Variants in UGT2A2 observed in about 807,000 individuals in gnomAD.
The protein encoded by UGT2A2 is UDP glucuronosyltransferase family 2 member A2.
UGT2A2 carries 60 observed loss-of-function variants against 50.7 expected under a neutral mutation model. The observed-to-expected ratio is 1.18, with a 90% confidence interval of 0.96 to 1.47. UGT2A2 has a LOEUF of 1.47. UGT2A2 is among the 40% of genes most tolerant of loss of function. The pLI is 0.00. For synonymous variants in UGT2A2, 242 were observed against 214.6 expected, an observed-to-expected ratio of 1.13 and a Z score of -1.11; for missense variants, 762 against 634.0, an observed-to-expected ratio of 1.20 and a Z score of -2.17.
chr4:69,621,475 GC>G (rs1450221021), intron 1 of UGT2A2, among the ~76,000 whole-genome samples: 1 of 151,936 alleles, frequency 6.6e-6, no homozygotes, highest in East Asian at 1.9e-4. Context: ...AGTCAGATTA[GC>G]TTTTATTAAA....
chr4:69,629,810 C>G (rs1305394120), intron 1 of UGT2A2, among the ~76,000 whole-genome samples: 2 of 152,058 alleles, frequency 1.3e-5, no homozygotes, highest in African/African-American at 4.8e-5. Flanking sequence ...TGAACCATAA[C>G]CATGAGCCTA....
At chr4:69,635,849 A>AAAAAAAAAAAAAAAAAAAGAG (rs772370302) in intron 1 of UGT2A2, 2 of 118,512 alleles carry the variant, frequency 1.7e-5, no homozygotes, top group African/African-American at 8.0e-5. Flanking sequence ...AAAAAAAAAA[A>AAAAAAAAAAAAAAAAAAAGAG]AGAGAGAGAG....
chr4:69,605,648 A>G (rs1719563211), intron 1 of UGT2A2, among the ~76,000 whole-genome samples: 1 of 136,806 alleles, frequency 7.3e-6, no homozygotes, highest in Admixed American at 7.2e-5. Context: ...GTTTTTTGAA[A>G]AGATCAACCA....
At chr4:69,594,359 G>T in intron 5 of UGT2A2, 118 bp downstream of exon 5, 2 of 1,294,638 alleles carry the variant, frequency 1.5e-6, no homozygotes, top group Middle Eastern at 2.4e-4. Context: ...TTTTTATATT[G>T]GTCAGGTTAT....
chr4:69,627,560 G>T (rs1167804306), intron 1 of UGT2A2, among the ~76,000 whole-genome samples: 1 of 142,746 alleles, frequency 7.0e-6, no homozygotes, highest in Admixed American at 7.1e-5. Context: ...GAGAGAGAGA[G>T]AGAGAGAAAG....
chr4:69,623,434 A>G (rs58395328), intron 1 of UGT2A2, among the ~76,000 whole-genome samples: 41,318 of 151,662 alleles, frequency 0.27, 5,882 homozygotes, highest in South Asian at 0.32. Flanking sequence ...GGGAAAAGAC[A>G]AAAGCCAATA....
intron 1 of UGT2A2, among the ~76,000 whole-genome samples, chr4:69,613,820 C>T (rs1720209470): frequency 6.6e-6 from 1 of 151,928 alleles, no homozygotes; most frequent in Non-Finnish European, 1.5e-5. Context: ...ATAGAAGGAA[C>T]ATAGCTCAAC....
intron 1 of UGT2A2, among the ~76,000 whole-genome samples, chr4:69,615,326 G>A (rs2109925365): frequency 6.6e-6 from 1 of 152,010 alleles, no homozygotes. Flanking sequence ...TGATTAATAA[G>A]ACCTCAGAAG....
chr4:69,589,407 AT>A lies in UGT2A2; in HGVS notation c.1575del (p.Lys525AsnfsTer5), dbSNP rs1560463250. 2.5e-6 allele frequency: 4 copies of A among 1,613,488 alleles called. No homozygotes were observed. In the Admixed American group the frequency reaches 6.7e-5, roughly 27 times the overall value. ...VIQCCLFSCQ[K>X]FGKIGKKKKR... ...TTTTTCTTCTTTCCTATCTTACCAA[AT>A]TTTTGACAGGAAAACAAACAACATT... On this transcript the variant is annotated frameshift_variant, in exon 6 of 6. Coordinates refer to ENST00000604629, the MANE Select transcript of UGT2A2 (RefSeq NM_001105677.2). LOFTEE classifies it high-confidence loss of function.
At chr4:69,621,478 T>C (rs899234920) in intron 1 of UGT2A2, among the ~76,000 whole-genome samples, 1 of 151,840 alleles carries the variant, frequency 6.6e-6, no homozygotes, top group African/African-American at 2.4e-5. Flanking sequence ...CAGATTAGCT[T>C]TTATTAAAAA....
intron 1 of UGT2A2, among the ~76,000 whole-genome samples, chr4:69,632,335 A>AT (rs1322156584): frequency 1.3e-5 from 2 of 151,876 alleles, no homozygotes; most frequent in Admixed American, 6.6e-5. Flanking sequence ...GATAAGGTAA[A>AT]TTTTTTTTCC....
In UGT2A2 at chr4:69,630,377, C is replaced by T. The variant is rs1022841304; in HGVS notation, c.742+8522G>A. Among the ~76,000 whole-genome samples, 7 of 152,098 alleles carry T rather than the reference C, an allele frequency of 4.6e-5. No homozygotes were observed. The South Asian group carries it at 6.2e-4, about 14-fold the overall frequency. Reference sequence around the variant, plus strand: ...ATAACTCCCCATTCCCACCTCTTCCCGGTTACACTCTTATCCTGACTATGT... The same window carrying T: ...ATAACTCCCCATTCCCACCTCTTCCTGGTTACACTCTTATCCTGACTATGT... On this transcript the variant is annotated intron_variant, in intron 1 of 5. Coordinates refer to ENST00000604629, the MANE Select transcript of UGT2A2 (RefSeq NM_001105677.2).
At chr4:69,601,208 A>C (rs1180907949) in intron 1 of UGT2A2, among the ~76,000 whole-genome samples, 1 of 152,094 alleles carries the variant, frequency 6.6e-6, no homozygotes, top group African/African-American at 2.4e-5. Flanking sequence ...TCCCTGGAAC[A>C]TTACCCCAAC....
At chr4:69,618,221 T>TTTG (rs1720530906) in intron 1 of UGT2A2, among the ~76,000 whole-genome samples, 2 of 144,640 alleles carry the variant, frequency 1.4e-5, no homozygotes, top group Admixed American at 6.9e-5. Flanking sequence ...GTGTGTATGT[T>TTTG]TGTGTGTGTG....
intron 1 of UGT2A2, among the ~76,000 whole-genome samples, chr4:69,631,072 C>T (rs947027768): frequency 5.9e-5 from 9 of 152,060 alleles, no homozygotes; most frequent in African/African-American, 2.2e-4. Flanking sequence ...AACTATAACA[C>T]TACTTTCTCA....
intron 1 of UGT2A2, among the ~76,000 whole-genome samples, chr4:69,610,551 A>G (rs1013658887): frequency 2.0e-5 from 3 of 152,184 alleles, no homozygotes; most frequent in Non-Finnish European, 4.4e-5. Context: ...AATCAGTGTT[A>G]TGAATTGAAT....
At position 69,589,223 on chromosome 4, in the gene UGT2A2, T is replaced by C; in HGVS notation, c.*149A>G. 5.9e-6 allele frequency: 6 copies of C among 1,013,680 alleles called. No homozygotes were observed. The highest frequency in any genetic ancestry group is 8.1e-6 in the Non-Finnish European group (6 of 736,948). The allele number at this position is 1,013,680 out of a possible 1,614,324, so 62.8% of individuals were successfully genotyped here. On this transcript the variant is annotated 3_prime_UTR_variant, in exon 6 of 6. Transcript: ENST00000604629. ...CATGCCAAAATCTAGGCTTTATCAG[T>C]AGGCTTATCGCAGGTAGAGAAATAG...
chr4:69,633,722 A>G (rs1359833627), intron 1 of UGT2A2, among the ~76,000 whole-genome samples: 2 of 152,186 alleles, frequency 1.3e-5, no homozygotes, highest in African/African-American at 4.8e-5. Flanking sequence ...TGATTCAACT[A>G]TATAACGTTT....
At chr4:69,596,768 T>A (rs535481712) in intron 2 of UGT2A2, among the ~76,000 whole-genome samples, 4 of 152,310 alleles carry the variant, frequency 2.6e-5, no homozygotes, top group African/African-American at 9.6e-5. Context: ...GTGATCCACC[T>A]GCCTTGGTCT....
Sources: allele counts gnomAD v4.1 joint callset (sites outside exome capture counted in the v4.1 genomes callset), GRCh38; gene constraint gnomAD v4.1.1; transcripts MANE v1.5; gene names NCBI Gene and HGNC (gene_info 2026-07-23, HGNC 2026-07-21).